PRRX1: variants seen among roughly 807,000 people sequenced by gnomAD.
The protein encoded by PRRX1 is paired mesoderm homeobox protein 1.
Under a neutral mutation model 24.0 loss-of-function variants are expected in PRRX1, and 8 were observed. That is an observed-to-expected ratio of 0.33 (90% CI 0.20 to 0.60). The LOEUF is 0.60. Ranked by LOEUF, PRRX1 falls within the 20% of genes least tolerant of loss-of-function variation. The pLI is 0.82. For synonymous variants in PRRX1, 160 were observed against 131.7 expected (o/e 1.22, Z -1.47); for missense variants, 281 against 322.4 (o/e 0.87, Z 0.98).
chr1:170,704,520 C>G lies in PRRX1; in HGVS notation c.242-15206C>G, dbSNP rs1018500484. Among the ~76,000 whole-genome samples, 3 of 152,194 alleles carry G rather than the reference C, an allele frequency of 2.0e-5. No homozygotes were observed. In the East Asian group the frequency reaches 5.8e-4, roughly 29 times the overall value. On this transcript the variant is annotated intron_variant, in intron 1 of 3. Coordinates refer to ENST00000239461, the MANE Select transcript of PRRX1 (RefSeq NM_022716.4). Reference sequence around the variant, plus strand: ...TTTATTGGCCATTGGTCACTGCAGTCATCGTATAGGCCTGAATGCAAACTT... The same window carrying G: ...TTTATTGGCCATTGGTCACTGCAGTGATCGTATAGGCCTGAATGCAAACTT...
At chr1:170,683,114 T>C (rs1413665980) in intron 1 of PRRX1, among the ~76,000 whole-genome samples, 1 of 152,208 alleles carries the variant, frequency 6.6e-6, no homozygotes, top group Non-Finnish European at 1.5e-5. Context: ...GTGATGACAA[T>C]GGGAAGCCAG....
chr1:170,673,546 T>A (rs1229390076), intron 1 of PRRX1, among the ~76,000 whole-genome samples: 4 of 152,200 alleles, frequency 2.6e-5, no homozygotes, highest in African/African-American at 7.2e-5. Flanking sequence ...ACCATCTATA[T>A]ACTAACCACT....
chr1:170,664,130 C>G (rs1345897384), upstream of PRRX1: 1 of 1,328,340 alleles, frequency 7.5e-7, no homozygotes, highest in East Asian at 2.5e-5. Flanking sequence ...CTTTCTTCCC[C>G]ACTCGGCTCC....
rs58707826 is a variant in PRRX1 at position 170,709,442 on chromosome 1, C to G, written c.242-10284C>G. Among the ~76,000 whole-genome samples the G allele has an allele frequency of 3.8e-3, 582 of 152,310 alleles. 11 individuals carry two copies. The highest frequency in any genetic ancestry group is 0.03 in the East Asian group (157 of 5,178). On this transcript the variant is annotated intron_variant, in intron 1 of 3. Coordinates refer to ENST00000239461, the MANE Select transcript of PRRX1 (RefSeq NM_022716.4). The stretch of plus-strand genomic sequence containing the variant: ...GATTGGGTGAGAAATAATAGATCAG[C>G]TGAGAAAAGGATGCTAAGCTTCAGG...
intron 1 of PRRX1, among the ~76,000 whole-genome samples, chr1:170,701,099 G>T (rs563021464): frequency 6.6e-6 from 1 of 152,132 alleles, no homozygotes; most frequent in South Asian, 2.1e-4. Context: ...TTTTTCCACT[G>T]GTCAAAATGT....
intron 2 of PRRX1, among the ~76,000 whole-genome samples, chr1:170,721,324 CTGAG>C (rs1655078491): frequency 6.6e-6 from 1 of 152,178 alleles, no homozygotes; most frequent in African/African-American, 2.4e-5. Context: ...TATGTTCAGT[CTGAG>C]TGTTAATAAT....
chr1:170,668,790 C>T (rs766240742), intron 1 of PRRX1: 1 of 152,198 alleles, frequency 6.6e-6, no homozygotes, highest in Non-Finnish European at 1.5e-5. Context: ...TTATGCAGCA[C>T]CATCCTGGGA....
At chr1:170,675,242 ACTT>A (rs1653279211) in intron 1 of PRRX1, among the ~76,000 whole-genome samples, 1 of 152,130 alleles carries the variant, frequency 6.6e-6, no homozygotes, top group Admixed American at 6.5e-5. Flanking sequence ...TAGCTGGGAA[ACTT>A]CCCTAGATAT....
At chr1:170,686,309 A>T (rs1653740485) in intron 1 of PRRX1, among the ~76,000 whole-genome samples, 1 of 152,196 alleles carries the variant, frequency 6.6e-6, no homozygotes, top group East Asian at 1.9e-4. Context: ...GGGCAAGAGC[A>T]AGCAGCTCTG....
In PRRX1 at chr1:170,739,375, T is replaced by C. The variant is rs1014033089; in HGVS notation, c.*3189T>C. On this transcript the variant is annotated 3_prime_UTR_variant, in exon 4 of 4. Transcript: ENST00000239461. Reference sequence around the variant, plus strand: ...TGCGCTAGAATAGAAATGATTTCTTTTCAATAAAAAGAAAGAAGGACTCTA... The same window carrying C: ...TGCGCTAGAATAGAAATGATTTCTTCTCAATAAAAAGAAAGAAGGACTCTA... 1 of 176,614 alleles carries C rather than the reference T, an allele frequency of 5.7e-6. No homozygotes were observed. Among genetic ancestry groups the C allele is most frequent in the Non-Finnish European group, 1.2e-5 (1 of 81,786 alleles). The allele number at this position is 176,614 out of a possible 1,614,324, so 10.9% of individuals were successfully genotyped here. A position where few individuals can be genotyped will look rare whatever the true frequency, so the allele number is the denominator to read the frequency against.
intron 1 of PRRX1, among the ~76,000 whole-genome samples, chr1:170,694,830 AAAAATT>A (rs1371131332): frequency 2.6e-5 from 4 of 152,144 alleles, no homozygotes; most frequent in African/African-American, 9.7e-5. Flanking sequence ...CCTTATAGAT[AAAAATT>A]AAAAGTATGA....
In PRRX1 at chr1:170,664,580, T is replaced by C; in HGVS notation, c.241+121T>C. 4.2e-6 allele frequency: 6 copies of C among 1,413,102 alleles called. No individual in the cohort carries two copies. The South Asian group carries it at 8.8e-5, about 21-fold the overall frequency. The allele number at this position is 1,413,102 out of a possible 1,614,324, so 87.5% of individuals were successfully genotyped here. On this transcript the variant is annotated intron_variant, in intron 1 of 3. Transcript: ENST00000239461. ...AAGGTCCTGGGACCAGGAGAGGTGA[T>C]GGCAGACTTCAAAGGAAGGGCCAGT...
chr1:170,689,853 TCTCTCTCTCTCTCTCTCTCTCTGTGG>T (rs1157156993), intron 1 of PRRX1, among the ~76,000 whole-genome samples: 1 of 148,876 alleles, frequency 6.7e-6, no homozygotes, highest in African/African-American at 2.5e-5. Flanking sequence ...TCTCTCTCTC[TCTCTCTCTCTCTCTCTCTCTCTGTGG>T]GTGTGTGTGT....
At chr1:170,672,296 G>A (rs916350575) in intron 1 of PRRX1, among the ~76,000 whole-genome samples, 2 of 152,142 alleles carry the variant, frequency 1.3e-5, no homozygotes, top group Non-Finnish European at 2.9e-5. Context: ...ATCAAGGCAC[G>A]GTGAGAGTAA....
At chr1:170,704,353 T>TG (rs1654492633) in intron 1 of PRRX1, among the ~76,000 whole-genome samples, 1 of 152,176 alleles carries the variant, frequency 6.6e-6, no homozygotes, top group South Asian at 2.1e-4. Context: ...GAGAATAAAG[T>TG]GGGGGACATA....
intron 1 of PRRX1, chr1:170,669,067 C>T (rs949937527): frequency 6.6e-6 from 1 of 152,024 alleles, no homozygotes; most frequent in South Asian, 2.1e-4. Context: ...TCCAGTGACT[C>T]CTACCCACTT....
At chr1:170,689,839 C>CA in intron 1 of PRRX1, among the ~76,000 whole-genome samples, 2 of 91,644 alleles carry the variant, frequency 2.2e-5, no homozygotes, top group South Asian at 3.3e-4. Flanking sequence ...TCTCTCTCTC[C>CA]CTCTCTCTCT....
chr1:170,737,612 C>T lies in PRRX1; in HGVS notation c.*1426C>T. ...TTTCTAAATTCCAACATTTAAAAGG[C>T]AATTGTGGGCTATTTTTATTTTTTA... On this transcript the variant is annotated 3_prime_UTR_variant, in exon 4 of 4. Transcript: ENST00000239461. The T allele has an allele frequency of 4.6e-6, 1 of 215,144 alleles. No individual in the cohort carries two copies. The highest frequency in any genetic ancestry group is 9.4e-6 in the Non-Finnish European group (1 of 106,550). The allele number at this position is 215,144 out of a possible 1,614,324, so 13.3% of individuals were successfully genotyped here.
At chr1:170,720,943 G>A (rs931085941) in intron 2 of PRRX1, among the ~76,000 whole-genome samples, 2 of 152,274 alleles carry the variant, frequency 1.3e-5, no homozygotes, top group Admixed American at 6.5e-5. Context: ...CTTTACATAA[G>A]TAATTTATTT....
Sources: gnomAD v4.1 joint callset for allele counts (sites outside exome capture counted in the v4.1 genomes callset) on GRCh38, gnomAD v4.1.1 for gene constraint, MANE v1.5 for transcripts, NCBI Gene and HGNC (gene_info 2026-07-23, HGNC 2026-07-21) for gene names.